Variants in NYAP2 observed in about 807,000 individuals in gnomAD.
NYAP2 encodes the protein neuronal tyrosine-phosphorylated phosphoinositide-3-kinase adaptor 2.
Under a neutral mutation model 50.4 loss-of-function variants are expected in NYAP2, and 23 were observed. That is an observed-to-expected ratio of 0.46 (90% confidence interval 0.33 to 0.65). The LOEUF is 0.65. NYAP2 is among the 30% of genes least tolerant of loss of function. The pLI is 0.02. For missense variants in NYAP2, 885 were observed against 861.0 expected (o/e 1.03, Z -0.35); for synonymous variants, 394 against 365.2 (o/e 1.08, Z -0.90).
At chr2:225,467,762 A>G (rs1689944273) in intron 3 of NYAP2, among the ~76,000 whole-genome samples, 1 of 152,232 alleles carries the variant, frequency 6.6e-6, no homozygotes, top group Non-Finnish European at 1.5e-5. Flanking sequence ...GAGCAGTTAA[A>G]GACAGAAAAT....
chr2:225,415,131 T>G (rs1695102795), intron 3 of NYAP2, among the ~76,000 whole-genome samples: 1 of 152,144 alleles, frequency 6.6e-6, no homozygotes, highest in Admixed American at 6.6e-5. Flanking sequence ...CCTCAAGGGA[T>G]CTATATGAGG....
intron 3 of NYAP2, among the ~76,000 whole-genome samples, chr2:225,510,628 C>T (rs1339204048): frequency 6.6e-6 from 1 of 152,188 alleles, no homozygotes; most frequent in Non-Finnish European, 1.5e-5. Context: ...TTGTCCCTAG[C>T]CTTGACTTGA....
At chr2:225,460,885 C>T (rs1288556697) in intron 3 of NYAP2, among the ~76,000 whole-genome samples, 2 of 148,030 alleles carry the variant, frequency 1.4e-5, no homozygotes, top group African/African-American at 2.5e-5. Context: ...CCCAGCTACT[C>T]GGGAGGCTGA....
intron 5 of NYAP2, among the ~76,000 whole-genome samples, chr2:225,606,789 A>G (rs1007411339): frequency 1.3e-5 from 2 of 152,232 alleles, no homozygotes; most frequent in Non-Finnish European, 2.9e-5. Flanking sequence ...ATTCTCTTGA[A>G]TATCTCATAA....
At chr2:225,506,288 G>T (rs2106180882) in intron 3 of NYAP2, among the ~76,000 whole-genome samples, 1 of 152,254 alleles carries the variant, frequency 6.6e-6, no homozygotes, top group South Asian at 2.1e-4. Context: ...TGAATCTGGG[G>T]GTAAGTGAAT....
At chr2:225,508,788 C>A (rs1324679605) in intron 3 of NYAP2, among the ~76,000 whole-genome samples, 1 of 152,146 alleles carries the variant, frequency 6.6e-6, no homozygotes, top group African/African-American at 2.4e-5. Context: ...TAGGAGCTGC[C>A]CATGGACAAC....
intron 4 of NYAP2, among the ~76,000 whole-genome samples, chr2:225,566,413 A>G (rs1361226399): frequency 6.6e-6 from 1 of 152,216 alleles, no homozygotes; most frequent in Admixed American, 6.5e-5. Context: ...GACTGTATCT[A>G]TGAAACGGCA....
intron 3 of NYAP2, among the ~76,000 whole-genome samples, chr2:225,425,638 A>G (rs1370068017): frequency 1.3e-5 from 2 of 152,170 alleles, no homozygotes; most frequent in Admixed American, 6.5e-5. Context: ...GACCTATCTA[A>G]TATGTTTAAA....
At chr2:225,684,396 TTC>T in the NYAP2 span, among the ~76,000 whole-genome samples, 6 of 149,454 alleles carry the variant, frequency 4.0e-5, no homozygotes, top group African/African-American at 7.4e-5. Flanking sequence ...CTATGTTTCT[TTC>T]TCTCTCTCTT....
At chr2:225,604,084 A>G (rs891075314) in intron 5 of NYAP2, among the ~76,000 whole-genome samples, 9 of 152,214 alleles carry the variant, frequency 5.9e-5, no homozygotes, top group Admixed American at 5.9e-4. Context: ...AAAAGTAAAC[A>G]CCACGATTCC....
intron 3 of NYAP2, among the ~76,000 whole-genome samples, chr2:225,450,955 GA>G: frequency 6.6e-6 from 1 of 152,172 alleles, no homozygotes; most frequent in Non-Finnish European, 1.5e-5. Context: ...TGGAATAGAT[GA>G]AAAAATATCA....
chr2:225,469,868 G>A (rs769825915), intron 3 of NYAP2, among the ~76,000 whole-genome samples: 2 of 152,068 alleles, frequency 1.3e-5, no homozygotes, highest in Non-Finnish European at 2.9e-5. Context: ...GGGGCTAGGG[G>A]AGGGATAGCA....
At chr2:225,472,617 G>C (rs1235684251) in intron 3 of NYAP2, among the ~76,000 whole-genome samples, 1 of 152,142 alleles carries the variant, frequency 6.6e-6, no homozygotes, top group Non-Finnish European at 1.5e-5. Context: ...TATGCTCAGG[G>C]AGGGCTGTGT....
chr2:225,607,867 G>A (rs1692815262), intron 5 of NYAP2, among the ~76,000 whole-genome samples: 1 of 152,128 alleles, frequency 6.6e-6, no homozygotes, highest in Admixed American at 6.6e-5. Flanking sequence ...ACATTTGCAT[G>A]TTTATGCACT....
In NYAP2 at chr2:225,408,970, C is replaced by T. The variant is rs370332950; in HGVS notation, c.90C>T (p.Ala30=). Residue 30 remains alanine, a synonymous_variant, in exon 3 of 7, where the codon GCC becomes GCT. Coordinates refer to ENST00000636099, the Ensembl canonical transcript of NYAP2. ...ACATTGAGGATATGGGGATGAAGGC[C>T]TATGATGGCTTGGTTATTCAGAATG... 4.3e-6 allele frequency: 7 copies of T among 1,611,952 alleles called. No individual in the cohort carries two copies. In the African/African-American group the frequency reaches 9.4e-5, roughly 22 times the overall value.
At chr2:225,461,565 C>A (rs765837248) in intron 3 of NYAP2, among the ~76,000 whole-genome samples, 16 of 152,196 alleles carry the variant, frequency 1.1e-4, no homozygotes, top group Admixed American at 5.2e-4. Context: ...TTTTACCTTT[C>A]ATCATTGGTC....
intron 3 of NYAP2, among the ~76,000 whole-genome samples, chr2:225,510,528 T>C (rs1238332957): frequency 6.6e-6 from 1 of 152,202 alleles, no homozygotes; most frequent in Non-Finnish European, 1.5e-5. Flanking sequence ...CAGAAACTAG[T>C]TGTATGCTGC....
intron 5 of NYAP2, among the ~76,000 whole-genome samples, chr2:225,586,408 T>C (rs1285996919): frequency 6.6e-6 from 1 of 152,206 alleles, no homozygotes; most frequent in African/African-American, 2.4e-5. Flanking sequence ...TGTTTATCTA[T>C]GATTAAATTA....
chr2:225,668,296 G>A, the NYAP2 span, among the ~76,000 whole-genome samples: 4 of 152,136 alleles, frequency 2.6e-5, no homozygotes, highest in South Asian at 8.3e-4. Flanking sequence ...TACATGTGAT[G>A]ACCTTCTCCA....
Sources: gnomAD v4.1 joint callset for allele counts (sites outside exome capture counted in the v4.1 genomes callset) on GRCh38, gnomAD v4.1.1 for gene constraint, MANE v1.5 for transcripts, NCBI Gene and HGNC (gene_info 2026-07-23, HGNC 2026-07-21) for gene names.